The following PIK3AP1 variants were observed in gnomAD, a reference collection of about 807,000 sequenced individuals.
The protein encoded by PIK3AP1 is phosphoinositide-3-kinase adaptor protein 1, also known as phosphoinositide 3-kinase adapter protein 1.
Under a neutral mutation model 88.1 loss-of-function variants are expected in PIK3AP1, and 21 were observed. The observed-to-expected ratio is 0.24, with a 90% CI of 0.17 to 0.34. The LOEUF (loss-of-function observed/expected upper bound fraction) is 0.34. PIK3AP1 is among the 10% of genes least tolerant of loss of function. The probability of loss-of-function intolerance (pLI) is 1.00; values close to 1 mark genes in which losing one functional copy is unlikely to be tolerated. For missense variants in PIK3AP1, 828 were observed against 1,035.7 expected, an observed-to-expected ratio of 0.80 and a Z score of 2.75; for synonymous variants, 398 against 400.0, an observed-to-expected ratio of 1.00 and a Z score of 0.06.
At chr10:96,629,930 A>AAAGAAAAGAAG (rs1843221182) in intron 8 of PIK3AP1, among the ~76,000 whole-genome samples, 3 of 13,726 alleles carry the variant, frequency 2.2e-4, no homozygotes, top group African/African-American at 5.5e-4. Flanking sequence ...AAAAAAAAAA[A>AAAGAAAAGAAG]AAGAAGAAGA....
chr10:96,715,549 T>C (rs1844490034), intron 1 of PIK3AP1, among the ~76,000 whole-genome samples: 1 of 152,234 alleles, frequency 6.6e-6, no homozygotes, highest in South Asian at 2.1e-4. Flanking sequence ...ACTATCTTTG[T>C]AGTATTTCTG....
chr10:96,673,932 C>A (rs1488133411), intron 2 of PIK3AP1, among the ~76,000 whole-genome samples: 1 of 152,178 alleles, frequency 6.6e-6, no homozygotes, highest in African/African-American at 2.4e-5. Flanking sequence ...CGCATTCCGA[C>A]CAGCTGAAAG....
chr10:96,692,746 AT>A (rs1844170899), intron 2 of PIK3AP1, among the ~76,000 whole-genome samples: 1 of 152,258 alleles, frequency 6.6e-6, no homozygotes, highest in African/African-American at 2.4e-5. Context: ...GTGGCAGAGC[AT>A]TTGACTGCAG....
intron 8 of PIK3AP1, among the ~76,000 whole-genome samples, chr10:96,638,266 C>T (rs1385014757): frequency 1.3e-5 from 2 of 152,160 alleles, no homozygotes; most frequent in African/African-American, 2.4e-5. Context: ...ACCTCTCTGG[C>T]TCTCCTGCTC....
intron 2 of PIK3AP1, among the ~76,000 whole-genome samples, chr10:96,681,776 G>A (rs1388809698): frequency 6.6e-6 from 1 of 152,122 alleles, no homozygotes; most frequent in Non-Finnish European, 1.5e-5. Flanking sequence ...GACATGGGTA[G>A]CAGCAACTGC....
chr10:96,665,794 T>A (rs1843752744), intron 2 of PIK3AP1, among the ~76,000 whole-genome samples: 1 of 152,276 alleles, frequency 6.6e-6, no homozygotes, highest in African/African-American at 2.4e-5. Context: ...GATATGGAAA[T>A]GAGACATTTG....
At chr10:96,660,120 A>G (rs1423856239) in intron 2 of PIK3AP1, among the ~76,000 whole-genome samples, 1 of 152,180 alleles carries the variant, frequency 6.6e-6, no homozygotes, top group Non-Finnish European at 1.5e-5. Flanking sequence ...TTTAAAAAGC[A>G]TTAAAAACCA....
chr10:96,617,298 T>C (rs1288890375), intron 12 of PIK3AP1, among the ~76,000 whole-genome samples: 2 of 152,250 alleles, frequency 1.3e-5, no homozygotes, highest in Non-Finnish European at 2.9e-5. Flanking sequence ...AAATGTTGAA[T>C]AGACATGTAA....
Position 96,602,350 on chromosome 10 carries a change from G to T in PIK3AP1, c.2290C>A (p.Gln764Lys), listed in dbSNP as rs1461007006. Residue 764 changes from glutamine to lysine, a missense_variant, in exon 16 of 17, where the codon CAA (glutamine) becomes AAA (lysine). This residue lies in a region of PIK3AP1 where 191 missense variants were observed against 208.6 expected (regional missense o/e 0.92). Coordinates refer to ENST00000339364, the MANE Select transcript of PIK3AP1 (RefSeq NM_152309.3). ...GACATGGTGGGTGTCCCATCCACTT[G>T]TGGGGGGCCTGGACTGCGACTTCTG... ...VTRSRSPGPP[Q>K]VDGTPTMSLE... 1.9e-6 allele frequency: 3 copies of T among 1,612,698 alleles called. No individual in the cohort carries two copies. The East Asian group carries it at 6.7e-5, about 36-fold the overall frequency.
chr10:96,713,109 CCCATCACTTTGGGAGG>C (rs1844459025), intron 1 of PIK3AP1, among the ~76,000 whole-genome samples: 1 of 152,020 alleles, frequency 6.6e-6, no homozygotes, highest in Admixed American at 6.6e-5. Context: ...CATTACTAAT[CCCATCACTTTGGGAGG>C]CCAGGGCGGG....
intron 16 of PIK3AP1, among the ~76,000 whole-genome samples, chr10:96,597,271 T>TTTCTTTCCTTCCTTCCTTCCTTCC (rs1373374065): frequency 1.9e-5 from 2 of 107,530 alleles, no homozygotes; most frequent in Admixed American, 2.1e-4. Flanking sequence ...TCTTTCTTTC[T>TTTCTTTCCTTCCTTCCTTCCTTCC]TTCCTTCCTT....
intron 13 of PIK3AP1, among the ~76,000 whole-genome samples, chr10:96,614,413 C>T (rs1269748968): frequency 1.4e-5 from 2 of 141,970 alleles, no homozygotes; most frequent in Admixed American, 6.9e-5. Context: ...TGCCTTCTCT[C>T]CTTTCTCTTC....
intron 2 of PIK3AP1, among the ~76,000 whole-genome samples, chr10:96,697,603 C>A (rs1844238558): frequency 6.6e-6 from 1 of 151,964 alleles, no homozygotes; most frequent in South Asian, 2.1e-4. Flanking sequence ...ATGGTGCATG[C>A]CTGTGGTCCC....
In PIK3AP1 at chr10:96,616,678, G is replaced by C; in HGVS notation, c.1975C>G (p.Arg659Gly). 1 of 1,614,100 alleles carries C rather than the reference G, an allele frequency of 6.2e-7. No homozygotes were observed. ...GATTTTTGCTTCTCTCTCTGTCTTC[G>C]GGTGATGCTGTCTCTTAGCCGTTTA... ...NLKRLRDSIT[R>G]RQREKQKSGK... Residue 659 changes from arginine to glycine, a missense_variant, in exon 13 of 17, where the codon CGA becomes GGA. Coordinates refer to ENST00000339364, the MANE Select transcript of PIK3AP1 (RefSeq NM_152309.3).
At chr10:96,707,262 A>G (rs1224025504) in intron 2 of PIK3AP1, among the ~76,000 whole-genome samples, 11 of 152,186 alleles carry the variant, frequency 7.2e-5, no homozygotes, top group Non-Finnish European at 1.3e-4. Context: ...CCTTTTTTCT[A>G]TCTACTTCAA....
At chr10:96,643,498 C>T (rs1843419218) in intron 8 of PIK3AP1, among the ~76,000 whole-genome samples, 1 of 152,184 alleles carries the variant, frequency 6.6e-6, no homozygotes. Flanking sequence ...TCTCTCCCCA[C>T]ATCCATGCCA....
chr10:96,634,980 C>T (rs978775907), intron 8 of PIK3AP1, among the ~76,000 whole-genome samples: 2 of 152,184 alleles, frequency 1.3e-5, no homozygotes, highest in Non-Finnish European at 2.9e-5. Context: ...GAAAGCTTAG[C>T]TGAACTGAGT....
In PIK3AP1 at chr10:96,593,773, C is replaced by T. The variant is rs1848711310; in HGVS notation, c.*1804G>A. On this transcript the variant is annotated 3_prime_UTR_variant, in exon 17 of 17. Transcript: ENST00000339364. ...TTACTACAAACACTCTCGTGATGGACATGGCCAATAGTGTATTTTGTCAAA... is the reference window on the plus strand; with the variant it reads ...TTACTACAAACACTCTCGTGATGGATATGGCCAATAGTGTATTTTGTCAAA... 1.3e-5 allele frequency: 2 copies of T among 152,168 alleles called. No individual in the cohort carries two copies. Among genetic ancestry groups the T allele is most frequent in the South Asian group, 4.1e-4 (2 of 4,828 alleles). 9.4% of individuals were successfully genotyped at this position (152,168 alleles called of 1,614,324 possible).
Position 96,602,312 on chromosome 10 carries a change from G to T in PIK3AP1, c.2328C>A (p.Pro776=). The change falls in exon 16 of 17, where the codon CCC becomes CCA. Residue 776 remains proline (P), a synonymous_variant. Transcript: ENST00000339364. The stretch of plus-strand genomic sequence containing the variant: ...AGGCAGCTCTCGGAGGCACCCTGGG[G>T]GGTCTCTCGAGGGACATGGTGGGTG... ...DGTPTMSLER[P]PRVPPRAASQ... 6.2e-7 allele frequency: 1 copy of T among 1,607,692 alleles called. No homozygotes were observed. The highest frequency in any genetic ancestry group is 8.5e-7 in the Non-Finnish European group (1 of 1,177,818).
Sources: allele counts gnomAD v4.1 joint callset (sites outside exome capture counted in the v4.1 genomes callset), GRCh38; gene constraint gnomAD v4.1.1; regional missense constraint gnomAD v4.1.1; transcripts MANE v1.5; gene names NCBI Gene and HGNC (gene_info 2026-07-23, HGNC 2026-07-21).